AKR1C3: variants seen among roughly 807,000 people sequenced by gnomAD.
AKR1C3 encodes the protein 3-alpha hydroxysteroid dehydrogenase, type II.
In AKR1C3, 48 loss-of-function variants were observed where a neutral mutation model predicts 43.6. The observed-to-expected ratio is 1.10, with a 90% CI of 0.87 to 1.40. The LOEUF is 1.40. Among genes scored for constraint, AKR1C3 ranks in the 40% most tolerant of loss-of-function variants. AKR1C3 has a pLI of 0.00. For synonymous variants in AKR1C3, 162 were observed against 139.6 expected, an observed-to-expected ratio of 1.16 and a Z score of -1.13; for missense variants, 482 against 391.2, an observed-to-expected ratio of 1.23 and a Z score of -1.96.
chr10:5,096,683 G>A, intron 2 of AKR1C3, 106 bp downstream of exon 2: 2 of 1,466,884 alleles, frequency 1.4e-6, no homozygotes, highest in Admixed American at 2.3e-5. Flanking sequence ...TTGCTTCTGG[G>A]TTCAAATTTA....
chr10:5,050,991 AC>A (rs1223484887), intron 1 of AKR1C3, among the ~76,000 whole-genome samples: 1 of 152,212 alleles, frequency 6.6e-6, no homozygotes, highest in Admixed American at 6.5e-5. Flanking sequence ...AAGAGTTCCT[AC>A]TTTCCTTGGG....
At chr10:5,074,554 A>G (rs541310168) in intron 1 of AKR1C3, among the ~76,000 whole-genome samples, 2 of 152,322 alleles carry the variant, frequency 1.3e-5, no homozygotes, top group East Asian at 1.9e-4. Context: ...AACATTTTCC[A>G]TCTCTTCTCT....
intron 4 of AKR1C3, 142 bp from the exon 5 acceptor site, chr10:5,099,185 G>GTCAAAAAAAGAAA (rs1484416505): frequency 1.4e-6 from 2 of 1,412,630 alleles, no homozygotes; most frequent in Non-Finnish European, 1.9e-6. Context: ...TTTGCTGTTT[G>GTCAAAAAAAGAAA]AATTTTTCTT....
At chr10:5,049,963 T>C (rs1386753255) in intron 1 of AKR1C3, among the ~76,000 whole-genome samples, 2 of 152,232 alleles carry the variant, frequency 1.3e-5, no homozygotes, top group African/African-American at 2.4e-5. Context: ...GCACCTTCCA[T>C]GTAGGCCTGG....
chr10:5,102,792 T>G, intron 7 of AKR1C3, 142 bp downstream of exon 7: 1 of 1,473,424 alleles, frequency 6.8e-7, no homozygotes, highest in Non-Finnish European at 9.0e-7. Flanking sequence ...ATCCTGAGGG[T>G]TTCTTCTACT....
At chr10:5,099,871 G>C (rs1433154067) in intron 5 of AKR1C3, 3 of 166,244 alleles carry the variant, frequency 1.8e-5, no homozygotes, top group African/African-American at 7.2e-5. Context: ...TAAGAGAAGA[G>C]AGGTGCTAGG....
chr10:5,091,257 C>T (rs1021339231), upstream of AKR1C3, among the ~76,000 whole-genome samples: 14 of 152,068 alleles, frequency 9.2e-5, no homozygotes, highest in Admixed American at 4.6e-4. Flanking sequence ...GCTGAAATTA[C>T]GTCCAAATTA....
rs781859249 is a variant in AKR1C3 at position 5,102,454 on chromosome 10, A to C, written c.681-31A>C. 4.2e-6 allele frequency: 6 copies of C among 1,437,446 alleles called. No homozygotes were observed. In the East Asian group the frequency reaches 1.2e-4, roughly 28 times the overall value. The allele number at this position is 1,437,446 out of a possible 1,614,324, so 89.0% of individuals were successfully genotyped here. A position where few individuals can be genotyped will look rare whatever the true frequency, so the allele number is the denominator to read the frequency against. ...CGCCTAACAAACTATCGCCAGCCTCAGGGCCTCAGCCTTTCTGCCTTTCCT... is the reference window on the plus strand; with the variant it reads ...CGCCTAACAAACTATCGCCAGCCTCCGGGCCTCAGCCTTTCTGCCTTTCCT... On this transcript the variant is annotated intron_variant, in intron 6 of 8. Transcript: ENST00000380554.
In AKR1C3 at chr10:5,107,508, G is replaced by A. The variant is rs781938178; in HGVS notation, c.*5G>A. On this transcript the variant is annotated 3_prime_UTR_variant, in exon 9 of 9. Coordinates refer to ENST00000380554, the MANE Select transcript of AKR1C3 (RefSeq NM_003739.6). ...CCATATTCAGATGAATATTAACATG[G>A]AGGGCTTTGCCTGATGTCTACCAGA... is the stretch of plus-strand genomic sequence containing the variant. 1.1e-4 allele frequency: 168 copies of A among 1,588,768 alleles called. No homozygotes were observed. The highest frequency in any genetic ancestry group is 1.7e-4 in the Middle Eastern group (1 of 5,996).
chr10:5,104,719 T>A (rs948299349), intron 7 of AKR1C3, among the ~76,000 whole-genome samples: 1 of 152,136 alleles, frequency 6.6e-6, no homozygotes, highest in African/African-American at 2.4e-5. Flanking sequence ...AATTTCCAAC[T>A]ATTTAAATGG....
intron 1 of AKR1C3, among the ~76,000 whole-genome samples, chr10:5,074,496 C>T (rs1554781626): frequency 6.6e-6 from 1 of 152,184 alleles, no homozygotes; most frequent in African/African-American, 2.4e-5. Context: ...TTCCCTTTGA[C>T]TTAGGAAAGA....
chr10:5,091,469 TTTTA>T (rs1839086965), upstream of AKR1C3, among the ~76,000 whole-genome samples: 1 of 152,184 alleles, frequency 6.6e-6, no homozygotes, highest in Admixed American at 6.6e-5. Flanking sequence ...CTTTGTCATT[TTTTA>T]TTTATGTCTT....
At chr10:5,083,219 C>T (rs1478385588) in intron 1 of AKR1C3, among the ~76,000 whole-genome samples, 2 of 152,138 alleles carry the variant, frequency 1.3e-5, no homozygotes, top group Non-Finnish European at 1.5e-5. Context: ...AATGCTATCC[C>T]TCCCGACTCC....
intron 1 of AKR1C3, among the ~76,000 whole-genome samples, chr10:5,086,491 TCTAA>T (rs1280583366): frequency 4.6e-5 from 7 of 151,776 alleles, no homozygotes; most frequent in African/African-American, 1.7e-4. Context: ...GAGCTTTACT[TCTAA>T]CTATGTGGTC....
intron 1 of AKR1C3, among the ~76,000 whole-genome samples, chr10:5,049,172 G>A (rs1229360815): frequency 6.6e-6 from 1 of 152,074 alleles, no homozygotes; most frequent in Non-Finnish European, 1.5e-5. Context: ...ATGAAACTCA[G>A]CAGTGAAAAA....
At chr10:5,084,470 G>A (rs1838916496) in intron 1 of AKR1C3, among the ~76,000 whole-genome samples, 1 of 151,584 alleles carries the variant, frequency 6.6e-6, no homozygotes, top group African/African-American at 2.4e-5. Flanking sequence ...TACTGTTTTG[G>A]TTACTGTAGC....
intron 1 of AKR1C3, among the ~76,000 whole-genome samples, chr10:5,085,414 C>G (rs1467522645): frequency 6.6e-6 from 1 of 151,972 alleles, no homozygotes; most frequent in Non-Finnish European, 1.5e-5. Flanking sequence ...CCTTGCATCC[C>G]AGGGATGAAG....
Position 5,096,415 on chromosome 10 carries a change from G to C in AKR1C3, c.90G>C (p.Pro30=), listed in dbSNP as rs7741. The change falls in exon 2 of 9, where the codon CCG becomes CCC. Residue 30 remains proline, a synonymous_variant. Transcript: ENST00000380554. The part of the protein sequence containing the change: ...GFGTYAPPEV[P]RSKALEVTKL... ...ACCTTTGGTTGCTCCTCCAGGTTCC[G>C]AGAAGTAAAGCTTTGGAGGTCACAA... 10 of 1,612,338 alleles carry C rather than the reference G, an allele frequency of 6.2e-6. No homozygotes were observed. Among genetic ancestry groups the C allele is most frequent in the South Asian group, 1.1e-5 (1 of 90,906 alleles).
intron 8 of AKR1C3, 60 bp downstream of exon 8, chr10:5,105,737 G>T: frequency 3.8e-6 from 5 of 1,322,754 alleles, no homozygotes; most frequent in South Asian, 2.4e-5. Flanking sequence ...TGTAGGATGG[G>T]TGTTGAGAGT....
Sources: gnomAD v4.1 joint callset for allele counts (sites outside exome capture counted in the v4.1 genomes callset) on GRCh38, gnomAD v4.1.1 for gene constraint, MANE v1.5 for transcripts, NCBI Gene and HGNC (gene_info 2026-07-23, HGNC 2026-07-21) for gene names.